The following MAT2B variants were observed in gnomAD, a reference collection of about 807,000 sequenced individuals.
The protein encoded by MAT2B is methionine adenosyltransferase 2 non-catalytic beta subunit, also known as methionine adenosyltransferase 2 subunit beta.
MAT2B carries 16 observed loss-of-function variants against 36.1 expected under a neutral mutation model. The ratio of observed to expected loss-of-function variants is 0.44; its 90% CI spans 0.30 to 0.67. The LOEUF (loss-of-function observed/expected upper bound fraction) is 0.67. Ranked by LOEUF, MAT2B falls within the 30% of genes least tolerant of loss-of-function variation. MAT2B has a pLI of 0.09. For missense variants in MAT2B, 332 were observed against 398.2 expected (o/e 0.83, Z 1.42); for synonymous variants, 148 against 136.9 (o/e 1.08, Z -0.57).
chr5:163,505,497 C>T, upstream of MAT2B: 2 of 1,235,658 alleles, frequency 1.6e-6, no homozygotes, highest in Non-Finnish European at 2.0e-6. Flanking sequence ...GCGTACCCGC[C>T]CTCTTTCTGG....
At chr5:163,508,150 A>G (rs1299738249) in intron 1 of MAT2B, among the ~76,000 whole-genome samples, 1 of 152,236 alleles carries the variant, frequency 6.6e-6, no homozygotes, top group Admixed American at 6.5e-5. Flanking sequence ...TTCTGGTTCC[A>G]GCTTTTTCTC....
At position 163,510,044 on chromosome 5, in the gene MAT2B, A is replaced by C. The variant is rs376656832; in HGVS notation, c.64-1958A>C. Among the ~76,000 whole-genome samples, 311 of 152,318 alleles carry C rather than the reference A, an allele frequency of 2.0e-3. 1 individual carries two copies. Among genetic ancestry groups the C allele is most frequent in the African/African-American group, 7.2e-3 (298 of 41,564 alleles). On this transcript the variant is annotated intron_variant, in intron 1 of 6. Coordinates refer to ENST00000321757, the MANE Select transcript of MAT2B (RefSeq NM_013283.5). Reference sequence around the variant, plus strand: ...TAAAAAAAAATGTATGTATTCGGCTAAGTAATTTAATTGAGCTAAGGGCTT... The same window carrying C: ...TAAAAAAAAATGTATGTATTCGGCTCAGTAATTTAATTGAGCTAAGGGCTT...
chr5:163,509,558 C>T (rs193032357), intron 1 of MAT2B, among the ~76,000 whole-genome samples: 231 of 152,234 alleles, frequency 1.5e-3, no homozygotes, highest in Non-Finnish European at 1.5e-3. Flanking sequence ...CACTGAAGCA[C>T]GAGAACCACT....
intron 1 of MAT2B, among the ~76,000 whole-genome samples, chr5:163,506,027 C>G (rs1213283366): frequency 6.6e-6 from 1 of 152,094 alleles, no homozygotes; most frequent in Non-Finnish European, 1.5e-5. Flanking sequence ...CTCCTGAGGA[C>G]GAAGAGGTTT....
chr5:163,514,655 C>T (rs955492316), intron 4 of MAT2B, among the ~76,000 whole-genome samples: 25 of 152,014 alleles, frequency 1.6e-4, no homozygotes, highest in African/African-American at 5.6e-4. Flanking sequence ...ACACATGGAA[C>T]CTACTCTGGG....
chr5:163,515,955 G>A (rs1289281333), intron 4 of MAT2B, among the ~76,000 whole-genome samples: 5 of 151,746 alleles, frequency 3.3e-5, no homozygotes, highest in Admixed American at 6.6e-5. Context: ...CGCTGGTCTC[G>A]AACTCCTGGG....
At chr5:163,506,806 G>A (rs199607885) in intron 1 of MAT2B, among the ~76,000 whole-genome samples, 1 of 28,546 alleles carries the variant, frequency 3.5e-5, no homozygotes, top group African/African-American at 5.3e-5. Context: ...TTCACAAAAA[G>A]AAGTTCAGTA....
chr5:163,505,936 A>C (rs1759929070), intron 1 of MAT2B, among the ~76,000 whole-genome samples, 187 bp downstream of exon 1: 1 of 152,102 alleles, frequency 6.6e-6, no homozygotes, highest in Non-Finnish European at 1.5e-5. Flanking sequence ...ATCTCAGCGC[A>C]CACGGGTCAG....
At chr5:163,507,640 GT>G (rs1759968312) in intron 1 of MAT2B, among the ~76,000 whole-genome samples, 1 of 152,190 alleles carries the variant, frequency 6.6e-6, no homozygotes, top group Non-Finnish European at 1.5e-5. Context: ...TTCTTAAAGT[GT>G]TTAGACATTT....
upstream of MAT2B, among the ~76,000 whole-genome samples, chr5:163,505,185 G>C (rs1293580988): frequency 6.6e-6 from 1 of 151,134 alleles, no homozygotes; most frequent in Non-Finnish European, 1.5e-5. Flanking sequence ...CCCACCTAGA[G>C]CTCTAGAGAT....
upstream of MAT2B, chr5:163,503,283 A>G: frequency 2.2e-6 from 2 of 898,748 alleles, no homozygotes; most frequent in Admixed American, 4.1e-5. Context: ...GCTGCTCCTC[A>G]CGTTTTGGCG....
chr5:163,512,127 A>G lies in MAT2B; in HGVS notation c.189A>G (p.Ala63=). The G allele has an allele frequency of 1.9e-6, 3 of 1,614,160 alleles. No homozygotes were observed. The highest frequency in any genetic ancestry group is 2.5e-6 in the Non-Finnish European group (3 of 1,179,998). ...WHAVGCGFRR[A]RPKFEQVNLL... Reference sequence around the variant, plus strand: ...CAGTTGGCTGTGGTTTCAGAAGAGCAAGACCAAAATTTGAACAGGTTAATC... The same window carrying G: ...CAGTTGGCTGTGGTTTCAGAAGAGCGAGACCAAAATTTGAACAGGTTAATC... The change falls in exon 2 of 7, where the codon GCA becomes GCG. Residue 63 remains alanine (A), a synonymous_variant. Transcript: ENST00000321757.
At chr5:163,510,764 TAGAA>T (rs1490773257) in intron 1 of MAT2B, among the ~76,000 whole-genome samples, 2 of 152,190 alleles carry the variant, frequency 1.3e-5, no homozygotes, top group African/African-American at 4.8e-5. Context: ...TGGTTAAACT[TAGAA>T]AGCATTTAAG....
chr5:163,510,982 C>T (rs1000667501), intron 1 of MAT2B, among the ~76,000 whole-genome samples: 37 of 152,264 alleles, frequency 2.4e-4, no homozygotes, highest in African/African-American at 8.7e-4. Flanking sequence ...AATAGGTAAA[C>T]TTAAAACACG....
Position 163,513,765 on chromosome 5 carries a change from C to A in MAT2B, c.374-77C>A. ...TAGATGGTTATTTGTTTTTATATAT[C>A]ATGAAAAACCATTCTAAATTCCATG... On this transcript the variant is annotated intron_variant, in intron 3 of 6. Transcript: ENST00000321757. 9 of 1,504,046 alleles carry A rather than the reference C, an allele frequency of 6.0e-6. No homozygotes were observed. The South Asian group carries it at 9.5e-5, about 16-fold the overall frequency. The allele number at this position is 1,504,046 out of a possible 1,614,324, so 93.2% of individuals were successfully genotyped here. A position where few individuals can be genotyped will look rare whatever the true frequency, so the allele number is the denominator to read the frequency against.
At chr5:163,505,578 C>T (rs571798449), upstream of MAT2B, 4 of 1,246,880 alleles carry the variant, frequency 3.2e-6, no homozygotes, top group Non-Finnish European at 4.0e-6. Flanking sequence ...CGAGCGGGGT[C>T]GTTCTGGGCC....
intron 1 of MAT2B, among the ~76,000 whole-genome samples, chr5:163,510,840 C>T (rs1760028092): frequency 6.6e-6 from 1 of 152,124 alleles, no homozygotes; most frequent in Non-Finnish European, 1.5e-5. Flanking sequence ...GATTAATTCT[C>T]TACCTTGGGT....
chr5:163,516,049 A>G (rs747033734), intron 4 of MAT2B, among the ~76,000 whole-genome samples: 1 of 151,410 alleles, frequency 6.6e-6, no homozygotes, highest in Non-Finnish European at 1.5e-5. Context: ...GACTGTTTTT[A>G]ATTTTATTTT....
intron 4 of MAT2B, 68 bp from the exon 5 acceptor site, chr5:163,516,450 C>A (rs1230550981): frequency 1.5e-6 from 2 of 1,298,992 alleles, no homozygotes; most frequent in Non-Finnish European, 2.2e-6. Context: ...TAAATCCACA[C>A]CCTTGTATCT....
Sources: gnomAD v4.1 joint callset for allele counts (sites outside exome capture counted in the v4.1 genomes callset) on GRCh38, gnomAD v4.1.1 for gene constraint, MANE v1.5 for transcripts, NCBI Gene and HGNC (gene_info 2026-07-23, HGNC 2026-07-21) for gene names.